The following KLF17 variants were observed in gnomAD, a reference collection of about 807,000 sequenced individuals.
The protein encoded by KLF17 is Krueppel-like factor 17.
Under a neutral mutation model 34.2 loss-of-function variants are expected in KLF17, and 31 were observed. The ratio of observed to expected loss-of-function variants is 0.91; its 90% CI spans 0.68 to 1.22. KLF17 has a LOEUF of 1.22. Among genes scored for constraint, KLF17 ranks in the 50% most tolerant of loss-of-function variants. KLF17 has a pLI of 0.00. For missense variants in KLF17, 478 were observed against 505.2 expected (o/e 0.95, Z 0.52); for synonymous variants, 179 against 186.7 (o/e 0.96, Z 0.34).
At chr1:44,108,956 C>G in the KLF17 span, among the ~76,000 whole-genome samples, 3 of 152,222 alleles carry the variant, frequency 2.0e-5, no homozygotes, top group East Asian at 5.8e-4. Context: ...CATGAGCCAC[C>G]GCACCCAGCC....
the KLF17 span, among the ~76,000 whole-genome samples, chr1:44,046,830 C>G: frequency 2.0e-5 from 3 of 152,112 alleles, no homozygotes; most frequent in African/African-American, 7.2e-5. Context: ...CAAGACCAGC[C>G]TGGGCAATAT....
chr1:44,056,386 A>T, the KLF17 span, among the ~76,000 whole-genome samples: 2 of 152,108 alleles, frequency 1.3e-5, no homozygotes, highest in African/African-American at 4.8e-5. Flanking sequence ...GCAAAAAGAG[A>T]CCATCCTGGC....
the KLF17 span, among the ~76,000 whole-genome samples, chr1:44,053,709 G>T: frequency 3.9e-5 from 6 of 152,198 alleles, no homozygotes; most frequent in South Asian, 6.2e-4. Context: ...TTGGCTTTAT[G>T]CAAGGAAAAA....
At chr1:44,066,897 C>T in the KLF17 span, among the ~76,000 whole-genome samples, 6 of 152,072 alleles carry the variant, frequency 3.9e-5, no homozygotes, top group African/African-American at 1.4e-4. Context: ...TAATTTTGAG[C>T]AATAAAGCAA....
intron 1 of KLF17, among the ~76,000 whole-genome samples, chr1:44,125,308 A>G (rs2087994765): frequency 6.6e-6 from 1 of 152,146 alleles, no homozygotes; most frequent in South Asian, 2.1e-4. Context: ...CGTATATAGG[A>G]TGGTTAATAG....
chr1:44,104,234 C>T, the KLF17 span: 12 of 1,219,962 alleles, frequency 9.8e-6, no homozygotes, highest in South Asian at 1.3e-4. Context: ...TGATCTCATC[C>T]TCGTACTTGT....
At chr1:44,046,528 TACACACACACTCACACACACAC>T in the KLF17 span, among the ~76,000 whole-genome samples, 1 of 85,054 alleles carries the variant, frequency 1.2e-5, no homozygotes, top group Non-Finnish European at 2.4e-5. Flanking sequence ...ACCTAAGCAC[TACACACACACTCACACACACAC>T]ACACACACAC....
intron 3 of KLF17, 21 bp downstream of exon 3, chr1:44,130,777 C>T (rs761955876): frequency 8.1e-6 from 13 of 1,608,836 alleles, no homozygotes. Context: ...TCTCCTCATT[C>T]TGGGTTTTCT....
At chr1:44,123,306 C>A (rs898403955) in intron 1 of KLF17, among the ~76,000 whole-genome samples, 4 of 152,168 alleles carry the variant, frequency 2.6e-5, no homozygotes, top group Non-Finnish European at 4.4e-5. Flanking sequence ...AAGCGATCCA[C>A]CTGCTTCGTA....
At chr1:44,072,474 G>T in the KLF17 span, among the ~76,000 whole-genome samples, 4 of 151,958 alleles carry the variant, frequency 2.6e-5, no homozygotes, top group Non-Finnish European at 4.4e-5. Flanking sequence ...ATCCCTTGAG[G>T]CCAGGAGTTT....
At chr1:44,124,288 A>G (rs1349896910) in intron 1 of KLF17, among the ~76,000 whole-genome samples, 17 of 147,954 alleles carry the variant, frequency 1.1e-4, no homozygotes, top group African/African-American at 3.5e-4. Flanking sequence ...TTTTTTTTGT[A>G]GTGAAAATAC....
At chr1:44,094,005 A>C in the KLF17 span, among the ~76,000 whole-genome samples, 1 of 152,248 alleles carries the variant, frequency 6.6e-6, no homozygotes, top group African/African-American at 2.4e-5. Flanking sequence ...GAACTACGTG[A>C]GTCCACTTAG....
chr1:44,110,043 A>G, the KLF17 span, among the ~76,000 whole-genome samples: 1 of 151,230 alleles, frequency 6.6e-6, no homozygotes, highest in Non-Finnish European at 1.5e-5. Flanking sequence ...AGTAGTTGGG[A>G]TTACAGGCAT....
the KLF17 span, among the ~76,000 whole-genome samples, chr1:44,078,680 C>T: frequency 6.6e-6 from 1 of 152,144 alleles, no homozygotes. Context: ...TCATGATCTG[C>T]CCACCTCGGC....
At chr1:44,077,013 G>A in the KLF17 span, among the ~76,000 whole-genome samples, 8 of 149,980 alleles carry the variant, frequency 5.3e-5, no homozygotes, top group Non-Finnish European at 1.2e-4. Context: ...GGGATTACAG[G>A]TGTGAGCCAC....
the KLF17 span, chr1:44,051,169 G>A: frequency 6.6e-6 from 1 of 152,480 alleles, no homozygotes. Context: ...GCAAGTGACA[G>A]TTATTGTTAA....
At chr1:44,063,486 G>A in the KLF17 span, among the ~76,000 whole-genome samples, 2 of 152,144 alleles carry the variant, frequency 1.3e-5, no homozygotes, top group African/African-American at 4.8e-5. Context: ...TTTCATAGGC[G>A]TATTGTAAGA....
At chr1:44,074,527 C>T in the KLF17 span, among the ~76,000 whole-genome samples, 1 of 152,230 alleles carries the variant, frequency 6.6e-6, no homozygotes. Flanking sequence ...CAGCTTTGCA[C>T]TGTGTGTCTA....
At chr1:44,095,863 A>G in the KLF17 span, among the ~76,000 whole-genome samples, 1 of 151,482 alleles carries the variant, frequency 6.6e-6, no homozygotes, top group East Asian at 1.9e-4. Flanking sequence ...CAAAGTTTGT[A>G]TGCTGATTTT....
Sources: gnomAD v4.1 joint callset for allele counts (sites outside exome capture counted in the v4.1 genomes callset) on GRCh38, gnomAD v4.1.1 for gene constraint, MANE v1.5 for transcripts, NCBI Gene and HGNC (gene_info 2026-07-23, HGNC 2026-07-21) for gene names.